The following APBB2 variants were observed in gnomAD, a reference collection of about 807,000 sequenced individuals.
The protein encoded by APBB2 is Fe65-like 1.
A neutral mutation model predicts 82.5 loss-of-function variants in APBB2; 38 were observed. That is an observed-to-expected ratio of 0.46 (90% CI 0.36 to 0.60). The LOEUF (loss-of-function observed/expected upper bound fraction) is 0.60. Ranked by LOEUF, APBB2 falls within the 20% of genes least tolerant of loss-of-function variation. The pLI is 0.00. For synonymous variants in APBB2, 341 were observed against 368.2 expected, an observed-to-expected ratio of 0.93 and a Z score of 0.85; for missense variants, 772 against 972.3, an observed-to-expected ratio of 0.79 and a Z score of 2.74.
At chr4:40,883,897 T>G (rs143427709) in intron 12 of APBB2, among the ~76,000 whole-genome samples, 49 of 152,322 alleles carry the variant, frequency 3.2e-4, no homozygotes, top group African/African-American at 1.1e-3. Flanking sequence ...ATGTGGAAAC[T>G]ATTCTCAGCT....
intron 3 of APBB2, among the ~76,000 whole-genome samples, chr4:41,077,672 A>G (rs28582504): frequency 0.2 from 30,824 of 151,742 alleles, 3,275 homozygotes; most frequent in African/African-American, 0.27. Context: ...ATATTTTGAC[A>G]CATGCCAGAT....
In APBB2 at chr4:40,832,163, T is replaced by C. The variant is rs557860051; in HGVS notation, c.1530-1586A>G. On this transcript the variant is annotated intron_variant, in intron 12 of 17. Coordinates refer to ENST00000508593, the MANE Select transcript of APBB2 (RefSeq NM_004307.2). This position sits in a 1 kb window ranked among gnomAD's most constrained non-coding sequence, Gnocchi z 4.8. ...AACTACAGAGGAATTTTTAAATTAT[T>C]TCTCTTAAGGTAAGACCTGGCAGCC... Among the ~76,000 whole-genome samples, 2 of 152,264 alleles carry C rather than the reference T, an allele frequency of 1.3e-5. No homozygotes were observed. The highest frequency in any genetic ancestry group is 4.2e-4 in the South Asian group (2 of 4,816).
Position 41,104,844 on chromosome 4 carries a change from C to T in APBB2, c.-260-4094G>A, listed in dbSNP as rs367582821. Among the ~76,000 whole-genome samples, 17 of 152,284 alleles carry T rather than the reference C, an allele frequency of 1.1e-4. 1 individual carries two copies. The East Asian group carries it at 2.1e-3, about 19-fold the overall frequency. Reference sequence around the variant, plus strand: ...AAGGACGTGATTTAGTTCTTTTTTACGGCTGCATAGTATTCTAGTGTGTAT... The same window carrying T: ...AAGGACGTGATTTAGTTCTTTTTTATGGCTGCATAGTATTCTAGTGTGTAT... On this transcript the variant is annotated intron_variant, in intron 2 of 17. Transcript: ENST00000508593.
chr4:41,122,883 A>G (rs556782688), intron 2 of APBB2, among the ~76,000 whole-genome samples: 10 of 152,134 alleles, frequency 6.6e-5, no homozygotes, highest in South Asian at 2.1e-4. Context: ...CGCCCCACCA[A>G]TATTTTTCTG....
intron 12 of APBB2, among the ~76,000 whole-genome samples, chr4:40,851,740 T>TATATATATATA (rs1560700519): frequency 3.8e-4 from 15 of 39,908 alleles, no homozygotes; most frequent in African/African-American, 1.0e-3. Context: ...ATATATATAT[T>TATATATATATA]TTTTTTTTTT....
chr4:41,035,735 G>A (rs1272207151), intron 4 of APBB2, among the ~76,000 whole-genome samples: 1 of 152,198 alleles, frequency 6.6e-6, no homozygotes, highest in Non-Finnish European at 1.5e-5. Flanking sequence ...CAGAAAGTTA[G>A]GCCTGTGATG....
intron 1 of APBB2, among the ~76,000 whole-genome samples, chr4:41,203,016 T>G (rs2154077324): frequency 6.6e-6 from 1 of 152,278 alleles, no homozygotes; most frequent in Middle Eastern, 3.4e-3. Flanking sequence ...GAAAATCCTG[T>G]TTTCTTTACA....
intron 10 of APBB2, among the ~76,000 whole-genome samples, chr4:40,924,724 T>C (rs895479460): frequency 1.3e-5 from 2 of 152,200 alleles, no homozygotes; most frequent in Non-Finnish European, 2.9e-5. Flanking sequence ...AGGCAGGAAC[T>C]GCACCGCCAA....
intron 12 of APBB2, among the ~76,000 whole-genome samples, chr4:40,852,265 C>T (rs747672909): frequency 3.7e-4 from 55 of 150,188 alleles, no homozygotes; most frequent in Non-Finnish European, 7.2e-4. Flanking sequence ...GCAGGAGAAT[C>T]GCTTGAACCC....
At chr4:41,016,566 G>A (rs966924362) in intron 5 of APBB2, among the ~76,000 whole-genome samples, 14 of 151,952 alleles carry the variant, frequency 9.2e-5, no homozygotes, top group African/African-American at 2.7e-4. Flanking sequence ...CAGGAGAATC[G>A]CTTGAACTCG....
At chr4:41,002,001 C>A (rs1364882378) in intron 6 of APBB2, among the ~76,000 whole-genome samples, 1 of 152,180 alleles carries the variant, frequency 6.6e-6, no homozygotes, top group African/African-American at 2.4e-5. Flanking sequence ...TCTGACCATT[C>A]CACATGGAAT....
chr4:41,091,689 G>A (rs1741772799), intron 3 of APBB2, among the ~76,000 whole-genome samples: 1 of 152,124 alleles, frequency 6.6e-6, no homozygotes, highest in South Asian at 2.1e-4. Context: ...TGAATGAGGG[G>A]CTCATGATTA....
chr4:41,143,193 TTCTC>T (rs1371205166), intron 1 of APBB2, 51 bp from the exon 2 acceptor site: 1 of 152,156 alleles, frequency 6.6e-6, no homozygotes, highest in Non-Finnish European at 1.5e-5. Flanking sequence ...GTCATCAACT[TTCTC>T]TCTCTCAAGG....
chr4:41,067,344 G>C (rs779180326), intron 3 of APBB2, among the ~76,000 whole-genome samples: 75 of 151,992 alleles, frequency 4.9e-4, no homozygotes, highest in Non-Finnish European at 7.9e-4. Context: ...GGGAGGCGGA[G>C]GTTGTAGTAA....
chr4:40,929,362 C>T (rs770864182), intron 10 of APBB2, among the ~76,000 whole-genome samples: 20 of 152,104 alleles, frequency 1.3e-4, no homozygotes, highest in Non-Finnish European at 2.4e-4. Context: ...CAGGCTGATG[C>T]GATCTCAGCC....
At chr4:41,181,886 C>T (rs1036278805) in intron 1 of APBB2, among the ~76,000 whole-genome samples, 5 of 137,832 alleles carry the variant, frequency 3.6e-5, no homozygotes, top group African/African-American at 5.5e-5. Context: ...GTGGAGATTG[C>T]GGTGAGTCGA....
At chr4:40,864,602 C>T (rs982745869) in intron 12 of APBB2, among the ~76,000 whole-genome samples, 2 of 152,096 alleles carry the variant, frequency 1.3e-5, no homozygotes, top group Admixed American at 6.5e-5. Flanking sequence ...GAAGAGATTC[C>T]GAAGCCCTAG....
intron 10 of APBB2, among the ~76,000 whole-genome samples, chr4:40,911,573 G>C (rs577549195): frequency 1.3e-5 from 2 of 152,316 alleles, no homozygotes; most frequent in Admixed American, 1.3e-4. Flanking sequence ...CACAGGGCCA[G>C]TTCTTCCTGT....
chr4:41,006,555 C>G (rs1177394686), intron 6 of APBB2, among the ~76,000 whole-genome samples: 2 of 149,160 alleles, frequency 1.3e-5, no homozygotes, highest in African/African-American at 5.0e-5. Flanking sequence ...CCTCCACCTC[C>G]TGGGTTCAAG....
Sources: gnomAD v4.1 joint callset for allele counts (sites outside exome capture counted in the v4.1 genomes callset) on GRCh38, gnomAD v4.1.1 for gene constraint, Gnocchi (gnomAD v3.1) non-coding constraint, MANE v1.5 for transcripts, NCBI Gene and HGNC (gene_info 2026-07-23, HGNC 2026-07-21) for gene names.